SETBP1: variants seen among roughly 807,000 people sequenced by gnomAD.
The protein encoded by SETBP1 is SET-binding protein.
Under a neutral mutation model 101.0 loss-of-function variants are expected in SETBP1, and 9 were observed. The observed-to-expected ratio is 0.09, with a 90% CI of 0.05 to 0.16. The LOEUF (loss-of-function observed/expected upper bound fraction) is 0.16, where lower values mean the gene tolerates loss of function less well. Among genes scored for constraint, SETBP1 ranks in the 10% least tolerant of loss-of-function variants. The pLI is 1.00. For missense variants in SETBP1, 1,858 were observed against 2,033.8 expected, an observed-to-expected ratio of 0.91 and a Z score of 1.66; for synonymous variants, 818 against 788.5, an observed-to-expected ratio of 1.04 and a Z score of -0.63.
At chr18:44,876,381 A>G (rs1011171101) in intron 3 of SETBP1, among the ~76,000 whole-genome samples, 6 of 152,166 alleles carry the variant, frequency 3.9e-5, no homozygotes, top group Admixed American at 3.9e-4. Context: ...GGAACGAGAC[A>G]CTAGAGACCA....
intron 2 of SETBP1, among the ~76,000 whole-genome samples, chr18:44,742,677 C>T (rs2070124961): frequency 6.6e-6 from 1 of 152,150 alleles, no homozygotes; most frequent in African/African-American, 2.4e-5. Flanking sequence ...TACGCATTAG[C>T]CCCAGGATGT....
At chr18:44,991,427 T>C (rs1332777356) in intron 4 of SETBP1, among the ~76,000 whole-genome samples, 1 of 152,024 alleles carries the variant, frequency 6.6e-6, no homozygotes, top group Non-Finnish European at 1.5e-5. Context: ...TGGAAATATA[T>C]GACTGAAAAG....
At chr18:44,937,726 C>T (rs1021071325) in intron 3 of SETBP1, among the ~76,000 whole-genome samples, 2 of 152,102 alleles carry the variant, frequency 1.3e-5, no homozygotes, top group East Asian at 1.9e-4. Context: ...TAGAAATGCA[C>T]GCTTGCAGCC....
At chr18:44,725,973 A>C (rs957534026) in intron 2 of SETBP1, among the ~76,000 whole-genome samples, 5 of 152,136 alleles carry the variant, frequency 3.3e-5, no homozygotes, top group African/African-American at 7.2e-5. Flanking sequence ...AGAAGCTTCA[A>C]AGGGGATGGG....
intron 2 of SETBP1, among the ~76,000 whole-genome samples, chr18:44,805,798 A>C (rs1439006270): frequency 6.6e-6 from 1 of 152,148 alleles, no homozygotes; most frequent in Non-Finnish European, 1.5e-5. Flanking sequence ...TTGGGCATCC[A>C]AAGAGAGCTT....
chr18:44,953,709 C>T (rs1027864633), intron 4 of SETBP1, among the ~76,000 whole-genome samples: 1 of 152,136 alleles, frequency 6.6e-6, no homozygotes, highest in Admixed American at 6.5e-5. Context: ...ATTAGGAATA[C>T]TAATAAGATC....
intron 2 of SETBP1, among the ~76,000 whole-genome samples, chr18:44,753,679 T>C (rs1464011051): frequency 1.3e-5 from 2 of 152,132 alleles, no homozygotes; most frequent in East Asian, 3.8e-4. Context: ...GAGTTTCATG[T>C]TGGAGGTACG....
chr18:44,807,969 T>A (rs536947304), intron 2 of SETBP1, among the ~76,000 whole-genome samples: 1 of 152,264 alleles, frequency 6.6e-6, no homozygotes, highest in East Asian at 1.9e-4. Context: ...AACAAAGCCA[T>A]CAGAACCTAC....
chr18:44,758,067 AG>A (rs1198286754), intron 2 of SETBP1, among the ~76,000 whole-genome samples: 1 of 152,164 alleles, frequency 6.6e-6, no homozygotes, highest in Non-Finnish European at 1.5e-5. Flanking sequence ...GAGGGAGAAC[AG>A]GGAAATCCCA....
chr18:44,820,168 T>TGAG (rs2072080697), intron 2 of SETBP1, among the ~76,000 whole-genome samples: 1 of 152,222 alleles, frequency 6.6e-6, no homozygotes, highest in Admixed American at 6.5e-5. Context: ...GCCACCCAGC[T>TGAG]GAGCGCCACG....
chr18:44,702,279 G>A (rs1323825617), intron 2 of SETBP1, among the ~76,000 whole-genome samples: 1 of 152,142 alleles, frequency 6.6e-6, no homozygotes, highest in Non-Finnish European at 1.5e-5. Context: ...GTTATCTCAG[G>A]GGTGGCAGAG....
chr18:44,883,503 C>T (rs1374489943), intron 3 of SETBP1, among the ~76,000 whole-genome samples: 1 of 152,178 alleles, frequency 6.6e-6, no homozygotes, highest in Admixed American at 6.5e-5. Flanking sequence ...TCTAGATTAG[C>T]TAATCAGGTT....
intron 2 of SETBP1, among the ~76,000 whole-genome samples, chr18:44,828,666 G>A (rs1013249096): frequency 6.6e-6 from 1 of 152,240 alleles, no homozygotes; most frequent in African/African-American, 2.4e-5. Flanking sequence ...GGCTGCTGTG[G>A]AGGAAATTGT....
chr18:44,695,381 C>G (rs2144155342), intron 1 of SETBP1, among the ~76,000 whole-genome samples: 1 of 152,278 alleles, frequency 6.6e-6, no homozygotes, highest in Admixed American at 6.5e-5. Flanking sequence ...CTCATTTTGT[C>G]ATTAATAAAA....
At chr18:44,728,599 C>T (rs1466869362) in intron 2 of SETBP1, among the ~76,000 whole-genome samples, 1 of 152,090 alleles carries the variant, frequency 6.6e-6, no homozygotes, top group African/African-American at 2.4e-5. Context: ...AAGCTTGAGT[C>T]AGATAGGCAA....
intron 4 of SETBP1, among the ~76,000 whole-genome samples, chr18:44,978,017 C>T (rs922720903): frequency 6.6e-6 from 1 of 152,178 alleles, no homozygotes; most frequent in African/African-American, 2.4e-5. Flanking sequence ...GATAACTACA[C>T]AGCATCATAA....
chr18:44,874,857 G>T (rs2069360776), intron 3 of SETBP1, among the ~76,000 whole-genome samples: 1 of 152,192 alleles, frequency 6.6e-6, no homozygotes, highest in Non-Finnish European at 1.5e-5. Flanking sequence ...AAAGTATTCT[G>T]TGAGGAGAAG....
At chr18:44,782,826 A>T (rs1440477880) in intron 2 of SETBP1, among the ~76,000 whole-genome samples, 2 of 152,188 alleles carry the variant, frequency 1.3e-5, no homozygotes, top group East Asian at 3.8e-4. Context: ...GCAGAGGAAG[A>T]CAGCATGCCA....
chr18:44,952,738 A>T lies in SETBP1; in HGVS notation c.3398A>T (p.Asn1133Ile). The T allele has an allele frequency of 1.2e-6, 2 of 1,613,622 alleles. No individual in the cohort carries two copies. Among genetic ancestry groups the T allele is most frequent in the Non-Finnish European group, 1.7e-6 (2 of 1,179,930 alleles). Residue 1133 changes from asparagine (N) to isoleucine (I), a missense_variant, in exon 4 of 6, where the codon AAC becomes ATC. Around this residue, in one of 12 missense-constraint regions of SETBP1, gnomAD observed 417 missense variants for 389.1 expected, o/e 1.07. Transcript: ENST00000649279. ...CTTGGTGACATGCAGCCTTCTCTGA[A>T]CCCTCCCAAGGTAGGCAGTGCCAGT... ...MGLGDMQPSLNPPKVGSASLS... is the reference protein window; with the variant it reads ...MGLGDMQPSLIPPKVGSASLS...
Sources: allele counts gnomAD v4.1 joint callset (sites outside exome capture counted in the v4.1 genomes callset), GRCh38; gene constraint gnomAD v4.1.1; regional missense constraint gnomAD v4.1.1; transcripts MANE v1.5; gene names NCBI Gene and HGNC (gene_info 2026-07-23, HGNC 2026-07-21).